The following GPSM2 variants were observed in gnomAD, a reference collection of about 807,000 sequenced individuals.
GPSM2 encodes G protein-signaling modulator 2.
GPSM2 carries 58 observed loss-of-function variants against 78.4 expected under a neutral mutation model. The ratio of observed to expected loss-of-function variants is 0.74; its 90% CI spans 0.60 to 0.92. The LOEUF is 0.92. Ranked by LOEUF, GPSM2 falls within the 40% of genes least tolerant of loss-of-function variation. The pLI, the probability that GPSM2 is intolerant of heterozygous loss-of-function variation, is 0.00. For missense variants in GPSM2, 700 were observed against 815.5 expected, an observed-to-expected ratio of 0.86 and a Z score of 1.73; for synonymous variants, 224 against 280.2, an observed-to-expected ratio of 0.80 and a Z score of 2.00.
Position 108,931,512 on chromosome 1 carries a change from C to T in GPSM2, c.*1572C>T, listed in dbSNP as rs1302171037. On this transcript the variant is annotated 3_prime_UTR_variant, in exon 15 of 15. Coordinates refer to ENST00000264126, the MANE Select transcript of GPSM2 (RefSeq NM_013296.5). ...TGGGATGGGATCTGGGGATGTGGAC[C>T]CCTATTCTTTCAAAAAGTCATTCAG... 1.3e-6 allele frequency: 2 copies of T among 1,534,790 alleles called. No individual in the cohort carries two copies. The highest frequency in any genetic ancestry group is 1.8e-6 in the Non-Finnish European group (2 of 1,138,876).
At chr1:108,908,303 G>A (rs1390838771) in intron 10 of GPSM2, among the ~76,000 whole-genome samples, 3 of 151,492 alleles carry the variant, frequency 2.0e-5, no homozygotes, top group Non-Finnish European at 2.9e-5. Flanking sequence ...CCTGGGAGGC[G>A]GAGCTTGCAG....
At chr1:108,905,611 C>T (rs1438942522) in intron 10 of GPSM2, among the ~76,000 whole-genome samples, 1 of 152,126 alleles carries the variant, frequency 6.6e-6, no homozygotes, top group Non-Finnish European at 1.5e-5. Context: ...TTCATCTTTC[C>T]TCTACGTTTG....
rs58295802 is a variant in GPSM2, at chr1:108,891,664, ATT to A, written c.57-5181_57-5180del. ...AGGTGCATGCCACCACAGCCAGCTA[ATT>A]TTTTTTTTTTTTTTTTTTGGTGGAG... On this transcript the variant is annotated intron_variant, in intron 2 of 14. Coordinates refer to ENST00000264126, the MANE Select transcript of GPSM2 (RefSeq NM_013296.5). Among the ~76,000 whole-genome samples, 25 of 117,144 alleles carry A rather than the reference ATT, an allele frequency of 2.1e-4. 1 individual carries two copies. Among genetic ancestry groups the A allele is most frequent in the South Asian group, 5.5e-4 (2 of 3,620 alleles). 76.9% of individuals were successfully genotyped at this position (117,144 alleles called of 152,430 possible). A position where few individuals can be genotyped will look rare whatever the true frequency, so the allele number is the denominator to read the frequency against.
intron 2 of GPSM2, among the ~76,000 whole-genome samples, chr1:108,891,193 TC>T (rs1328195133): frequency 1.3e-5 from 2 of 152,236 alleles, no homozygotes; most frequent in Non-Finnish European, 2.9e-5. Context: ...CATTTATACT[TC>T]TTACTGTGAA....
chr1:108,927,979 G>A (rs967696076), intron 14 of GPSM2, among the ~76,000 whole-genome samples: 1 of 152,084 alleles, frequency 6.6e-6, no homozygotes, highest in Non-Finnish European at 1.5e-5. Context: ...GAAAAAAAAG[G>A]AAAGCCTCAT....
At chr1:108,887,352 C>T (rs1295597036) in intron 2 of GPSM2, among the ~76,000 whole-genome samples, 1 of 152,076 alleles carries the variant, frequency 6.6e-6, no homozygotes. Context: ...AGGTAGAGCT[C>T]AAGGTTTTGA....
chr1:108,930,165 C>T lies in GPSM2; in HGVS notation c.*225C>T. 1 of 506,144 alleles carries T rather than the reference C, an allele frequency of 2.0e-6. No homozygotes were observed. The highest frequency in any genetic ancestry group is 3.5e-6 in the Non-Finnish European group (1 of 286,762). The allele number at this position is 506,144 out of a possible 1,614,324, so 31.4% of individuals were successfully genotyped here. A position where few individuals can be genotyped will look rare whatever the true frequency, so the allele number is the denominator to read the frequency against. On this transcript the variant is annotated 3_prime_UTR_variant, in exon 15 of 15. Transcript: ENST00000264126. ...GGTGCTTCATCGTCTGTGATTACTG[C>T]TTGGGATGTGTTCTTTGGCAGCTTG...
At chr1:108,902,310 G>A (rs1282295516) in intron 8 of GPSM2, among the ~76,000 whole-genome samples, 1 of 151,902 alleles carries the variant, frequency 6.6e-6, no homozygotes, top group Non-Finnish European at 1.5e-5. Context: ...GAACCCAGGA[G>A]GTGGAGGTTG....
Position 108,918,798 on chromosome 1 carries a change from A to G in GPSM2, c.1440+9A>G, listed in dbSNP as rs1464523073. 1 of 1,600,512 alleles carries G rather than the reference A, an allele frequency of 6.2e-7. No individual in the cohort carries two copies. On this transcript the variant is annotated intron_variant, in intron 12 of 14. Coordinates refer to ENST00000264126, the MANE Select transcript of GPSM2 (RefSeq NM_013296.5). Reference sequence around the variant, plus strand: ...TTCCAAATTCTCAGAGGGTACGTTTAAACTAAGTTTTTGAGTATTGTGTTT... The same window carrying G: ...TTCCAAATTCTCAGAGGGTACGTTTGAACTAAGTTTTTGAGTATTGTGTTT...
Position 108,932,875 on chromosome 1 carries a change from T to C in GPSM2, c.*2935T>C, listed in dbSNP as rs557664898. On this transcript the variant is annotated 3_prime_UTR_variant, in exon 15 of 15. Coordinates refer to ENST00000264126, the MANE Select transcript of GPSM2 (RefSeq NM_013296.5). ...GTTTCTGATGAAATTCTAAAGATGT[T>C]TGCAATATTAAACTAGAATATATTA... 2.0e-5 allele frequency: 3 copies of C among 152,372 alleles called. No homozygotes were observed. The highest frequency in any genetic ancestry group is 1.9e-4 in the East Asian group (1 of 5,190). The allele number at this position is 152,372 out of a possible 1,614,324, so 9.4% of individuals were successfully genotyped here.
In GPSM2 at chr1:108,918,675, A is replaced by G. The variant is rs1368224540; in HGVS notation, c.1326A>G (p.Ala442=). 6.2e-7 allele frequency: 1 copy of G among 1,613,484 alleles called. No homozygotes were observed. Reference sequence around the variant, plus strand: ...AACCTCTTATTGCCAAACCTTCTGCAAAGCTACTCTTTGTCAACAGACTGA... The same window carrying G: ...AACCTCTTATTGCCAAACCTTCTGCGAAGCTACTCTTTGTCAACAGACTGA... ...KQKPLIAKPS[A]KLLFVNRLKG... The change falls in exon 12 of 15, where the codon GCA becomes GCG. Residue 442 remains alanine (A), a synonymous_variant. Transcript: ENST00000264126.
Position 108,931,538 on chromosome 1 carries a change from G to GTGAT in GPSM2, c.*1600_*1603dup, listed in dbSNP as rs1408329222. The stretch of plus-strand genomic sequence containing the variant: ...CCTATTCTTTCAAAAAGTCATTCAG[G>GTGAT]TGATTTGGATGGGCAAATAGAACTA... On this transcript the variant is annotated 3_prime_UTR_variant, in exon 15 of 15. Coordinates refer to ENST00000264126, the MANE Select transcript of GPSM2 (RefSeq NM_013296.5). The GTGAT allele has an allele frequency of 6.6e-7, 1 of 1,508,480 alleles. No individual in the cohort carries two copies. The highest frequency in any genetic ancestry group is 8.9e-7 in the Non-Finnish European group (1 of 1,123,246). The allele number at this position is 1,508,480 out of a possible 1,614,324, so 93.4% of individuals were successfully genotyped here.
At chr1:108,887,184 G>A (rs752219002) in intron 2 of GPSM2, among the ~76,000 whole-genome samples, 10 of 152,140 alleles carry the variant, frequency 6.6e-5, no homozygotes, top group African/African-American at 2.4e-4. Flanking sequence ...CACCAAGCCC[G>A]GCCGGAAATC....
intron 2 of GPSM2, among the ~76,000 whole-genome samples, chr1:108,887,432 G>A (rs1647649196): frequency 6.6e-6 from 1 of 152,102 alleles, no homozygotes; most frequent in African/African-American, 2.4e-5. Context: ...CCTGCACCTC[G>A]AGGCCCAGAG....
intron 8 of GPSM2, among the ~76,000 whole-genome samples, chr1:108,902,406 A>G (rs1351699585): frequency 6.6e-6 from 1 of 151,630 alleles, no homozygotes; most frequent in Non-Finnish European, 1.5e-5. Flanking sequence ...AAGTTTTCCT[A>G]ACTACATAAG....
At chr1:108,916,350 G>A (rs1289413428) in intron 11 of GPSM2, among the ~76,000 whole-genome samples, 1 of 151,836 alleles carries the variant, frequency 6.6e-6, no homozygotes, top group Non-Finnish European at 1.5e-5. Flanking sequence ...TTTTTCAATA[G>A]TGATAGTTTA....
intron 1 of GPSM2, among the ~76,000 whole-genome samples, chr1:108,883,584 ATATC>A (rs1647277574): frequency 6.6e-6 from 1 of 152,224 alleles, no homozygotes; most frequent in Non-Finnish European, 1.5e-5. Context: ...TTATGATTGT[ATATC>A]TACCAATTTA....
chr1:108,903,434 A>G (rs1648976548), intron 9 of GPSM2, among the ~76,000 whole-genome samples, 200 bp downstream of exon 9: 1 of 152,172 alleles, frequency 6.6e-6, no homozygotes, highest in South Asian at 2.1e-4. Context: ...ATGTAGGAAG[A>G]CAGGAAAGTA....
intron 14 of GPSM2, among the ~76,000 whole-genome samples, chr1:108,929,316 T>C (rs1465268948): frequency 6.6e-6 from 1 of 152,216 alleles, no homozygotes; most frequent in African/African-American, 2.4e-5. Flanking sequence ...TTCTAAAGAT[T>C]TGTTAAGTTA....
Sources: allele counts gnomAD v4.1 joint callset (sites outside exome capture counted in the v4.1 genomes callset), GRCh38; gene constraint gnomAD v4.1.1; transcripts MANE v1.5; gene names NCBI Gene and HGNC (gene_info 2026-07-23, HGNC 2026-07-21).